Variants in TRAPPC9 observed in about 807,000 individuals in gnomAD.
The protein encoded by TRAPPC9 is IKK2 binding protein.
In TRAPPC9, 83 loss-of-function variants were observed where a neutral mutation model predicts 124.0. The ratio of observed to expected loss-of-function variants is 0.67; its 90% confidence interval spans 0.56 to 0.80. The LOEUF (loss-of-function observed/expected upper bound fraction) is 0.80. Ranked by LOEUF, TRAPPC9 falls within the 30% of genes least tolerant of loss-of-function variation. TRAPPC9 has a pLI of 0.00. For missense variants in TRAPPC9, 1,302 were observed against 1,508.3 expected (o/e 0.86, Z 2.27); for synonymous variants, 638 against 617.5 (o/e 1.03, Z -0.49).
chr8:139,826,103 C>A lies in TRAPPC9; in HGVS notation c.3055+59776G>T, dbSNP rs558499123. On this transcript the variant is annotated intron_variant, in intron 21 of 22. Transcript: ENST00000438773. ...CTGAAGTAGGGGAGGGCACAGAGAG[C>A]CCAGGGTGACCCAACCTGGAGCCTC... is the stretch of plus-strand genomic sequence containing the variant. Among the ~76,000 whole-genome samples, 9 of 152,280 alleles carry A rather than the reference C, an allele frequency of 5.9e-5. No individual in the cohort carries two copies. In the South Asian group the frequency reaches 1.9e-3, roughly 32 times the overall value.
intron 17 of TRAPPC9, among the ~76,000 whole-genome samples, chr8:140,139,895 T>C (rs1018765886): frequency 3.9e-5 from 6 of 152,216 alleles, no homozygotes; most frequent in Non-Finnish European, 2.9e-5. Flanking sequence ...TTCGTTATGC[T>C]GTATGTCACC....
At chr8:139,768,773 A>T (rs1820750080) in intron 21 of TRAPPC9, among the ~76,000 whole-genome samples, 1 of 152,244 alleles carries the variant, frequency 6.6e-6, no homozygotes, top group Admixed American at 6.5e-5. Flanking sequence ...TAGGGGCTGA[A>T]TCGTGACTCC....
intron 19 of TRAPPC9, among the ~76,000 whole-genome samples, chr8:139,972,121 C>T (rs547565482): frequency 1.3e-5 from 2 of 152,088 alleles, no homozygotes; most frequent in Non-Finnish European, 2.9e-5. Flanking sequence ...CCACCATGCC[C>T]GGCCCTAGTT....
chr8:140,376,773 G>A (rs1250848214), intron 7 of TRAPPC9, among the ~76,000 whole-genome samples: 3 of 151,298 alleles, frequency 2.0e-5, no homozygotes, highest in Non-Finnish European at 4.4e-5. Flanking sequence ...CTACTCAGGA[G>A]GCTGAGGCAG....
intron 6 of TRAPPC9, among the ~76,000 whole-genome samples, chr8:140,404,013 TA>T (rs953625971): frequency 2.0e-5 from 3 of 151,836 alleles, no homozygotes; most frequent in African/African-American, 7.3e-5. Flanking sequence ...ATTGTTCCCT[TA>T]AAAAAAATCA....
At chr8:139,878,036 G>A (rs1051629403) in intron 21 of TRAPPC9, among the ~76,000 whole-genome samples, 18 of 152,310 alleles carry the variant, frequency 1.2e-4, no homozygotes, top group African/African-American at 4.1e-4. Flanking sequence ...GAGAATCCAC[G>A]CTGAGGGAAT....
chr8:139,792,067 G>A (rs12549587), intron 21 of TRAPPC9, among the ~76,000 whole-genome samples: 60,304 of 152,034 alleles, frequency 0.4, 13,908 homozygotes, highest in Non-Finnish European at 0.52. Context: ...GCCGCCTGCC[G>A]CCTATTCTTT....
chr8:140,031,409 C>A (rs1472509510), intron 17 of TRAPPC9, among the ~76,000 whole-genome samples: 1 of 152,178 alleles, frequency 6.6e-6, no homozygotes. Flanking sequence ...ACACTATTGT[C>A]AGAGAAAAAC....
At position 140,156,949 on chromosome 8, in the gene TRAPPC9, CAAA is replaced by C. The variant is rs1458985048; in HGVS notation, c.2556+64507_2556+64509del. Among the ~76,000 whole-genome samples, 37 of 144,018 alleles carry C rather than the reference CAAA, an allele frequency of 2.6e-4. 1 individual carries two copies. The highest frequency in any genetic ancestry group is 6.0e-4 in the East Asian group (3 of 5,022). 94.5% of individuals were successfully genotyped at this position (144,018 alleles called of 152,430 possible). ...CATTGGAAAAGCCTCCCTTTCCATTCAAAAGCCTCCCTTTTCCATTCAAAAGCC... is the reference window on the plus strand; with the variant it reads ...CATTGGAAAAGCCTCCCTTTCCATTCAGCCTCCCTTTTCCATTCAAAAGCC... On this transcript the variant is annotated intron_variant, in intron 17 of 22. Transcript: ENST00000438773.
chr8:140,017,331 C>G (rs573536642), intron 18 of TRAPPC9, among the ~76,000 whole-genome samples: 50 of 152,288 alleles, frequency 3.3e-4, no homozygotes, highest in African/African-American at 1.2e-3. Context: ...GCTACATTTT[C>G]TTTGAGAAGG....
intron 8 of TRAPPC9, among the ~76,000 whole-genome samples, chr8:140,370,470 A>G (rs2068250310): frequency 6.6e-6 from 1 of 152,068 alleles, no homozygotes; most frequent in African/African-American, 2.4e-5. Flanking sequence ...TTCTAATCAG[A>G]CTTTGTCTAA....
At chr8:140,263,444 C>A (rs1291809002) in intron 15 of TRAPPC9, among the ~76,000 whole-genome samples, 1 of 152,106 alleles carries the variant, frequency 6.6e-6, no homozygotes, top group African/African-American at 2.4e-5. Context: ...GATGGATTTC[C>A]CTGAACGCTG....
At chr8:140,249,859 C>T (rs1011238581) in intron 16 of TRAPPC9, among the ~76,000 whole-genome samples, 10 of 152,082 alleles carry the variant, frequency 6.6e-5, no homozygotes, top group African/African-American at 2.2e-4. Context: ...CCGCCCACCT[C>T]GGCCTCCCAA....
At chr8:140,304,707 A>G (rs1446401245) in intron 10 of TRAPPC9, among the ~76,000 whole-genome samples, 1 of 152,200 alleles carries the variant, frequency 6.6e-6, no homozygotes, top group Non-Finnish European at 1.5e-5. Context: ...GCAGACACCT[A>G]CCAGCTCTTC....
chr8:140,180,833 T>C (rs1411292809), intron 17 of TRAPPC9, among the ~76,000 whole-genome samples: 1 of 152,176 alleles, frequency 6.6e-6, no homozygotes, highest in Admixed American at 6.5e-5. Context: ...TACAACCAGT[T>C]TTCAGTAATT....
At chr8:140,040,334 C>T (rs117904148) in intron 17 of TRAPPC9, 2,968 of 152,400 alleles carry the variant, frequency 0.019, 45 homozygotes, top group Non-Finnish European at 0.03. Context: ...ATCCAACATC[C>T]ATGGACACTG....
At chr8:139,906,245 C>T (rs1831356739) in intron 20 of TRAPPC9, among the ~76,000 whole-genome samples, 1 of 152,260 alleles carries the variant, frequency 6.6e-6, no homozygotes, top group African/African-American at 2.4e-5. Context: ...CAACAGGTCA[C>T]CCTGTCCACA....
At chr8:140,445,334 G>A (rs902527730) in intron 2 of TRAPPC9, among the ~76,000 whole-genome samples, 11 of 152,224 alleles carry the variant, frequency 7.2e-5, no homozygotes, top group African/African-American at 2.7e-4. Flanking sequence ...AGTCACCTCT[G>A]GAGGTCACCT....
At chr8:139,971,265 C>A (rs1836047013) in intron 19 of TRAPPC9, among the ~76,000 whole-genome samples, 3 of 152,204 alleles carry the variant, frequency 2.0e-5, no homozygotes, top group Non-Finnish European at 2.9e-5. Flanking sequence ...GCCCTGCTGC[C>A]CCTCCAGCCT....
Sources: gnomAD v4.1 joint callset for allele counts (sites outside exome capture counted in the v4.1 genomes callset) on GRCh38, gnomAD v4.1.1 for gene constraint, MANE v1.5 for transcripts, NCBI Gene and HGNC (gene_info 2026-07-23, HGNC 2026-07-21) for gene names.